The following STRN3 variants were observed in gnomAD, a reference collection of about 807,000 sequenced individuals.
STRN3 encodes the protein striatin-3.
In STRN3, 29 loss-of-function variants were observed where a neutral mutation model predicts 95.6. The ratio of observed to expected loss-of-function variants is 0.30; its 90% CI spans 0.23 to 0.41. STRN3 has a LOEUF of 0.41. Ranked by LOEUF, STRN3 falls within the 10% of genes least tolerant of loss-of-function variation. The pLI, the probability that STRN3 is intolerant of heterozygous loss-of-function variation, is 1.00. For missense variants in STRN3, 890 were observed against 972.1 expected, an observed-to-expected ratio of 0.92 and a Z score of 1.12; for synonymous variants, 331 against 357.6, an observed-to-expected ratio of 0.93 and a Z score of 0.84.
At chr14:30,900,659 G>A (rs1212111724) in intron 16 of STRN3, among the ~76,000 whole-genome samples, 2 of 150,660 alleles carry the variant, frequency 1.3e-5, no homozygotes, top group African/African-American at 4.9e-5. Flanking sequence ...TGAGGCACCA[G>A]AATCAATTGA....
At chr14:30,906,697 C>T (rs1896469979) in intron 14 of STRN3, among the ~76,000 whole-genome samples, 180 bp downstream of exon 14, 1 of 152,038 alleles carries the variant, frequency 6.6e-6, no homozygotes, top group East Asian at 1.9e-4. Context: ...AAGCATTGCA[C>T]TACAGGACAT....
At chr14:30,953,959 C>A (rs553537944) in intron 3 of STRN3, among the ~76,000 whole-genome samples, 1 of 152,174 alleles carries the variant, frequency 6.6e-6, no homozygotes, top group East Asian at 1.9e-4. Flanking sequence ...TAATAATAGT[C>A]ATAGTGTCAA....
intron 1 of STRN3, among the ~76,000 whole-genome samples, chr14:31,009,355 C>T (rs1184624960): frequency 6.6e-6 from 1 of 151,970 alleles, no homozygotes; most frequent in Non-Finnish European, 1.5e-5. Flanking sequence ...CTGTCCCGTG[C>T]GTGTTTAGTA....
chr14:30,927,656 T>C (rs1179981983), intron 8 of STRN3, among the ~76,000 whole-genome samples: 1 of 151,844 alleles, frequency 6.6e-6, no homozygotes, highest in African/African-American at 2.4e-5. Context: ...CCAGGCATAG[T>C]GGCTCACGCC....
intron 1 of STRN3, among the ~76,000 whole-genome samples, chr14:30,989,417 A>G (rs1881843557): frequency 6.6e-6 from 1 of 152,164 alleles, no homozygotes; most frequent in African/African-American, 2.4e-5. Context: ...ATTGGGAGGT[A>G]GCGAGACAGC....
chr14:30,897,846 C>T (rs139272866), intron 16 of STRN3, among the ~76,000 whole-genome samples: 204 of 152,330 alleles, frequency 1.3e-3, no homozygotes, highest in African/African-American at 4.6e-3. Context: ...CTAGAATCCA[C>T]TCCTCTCAAA....
At chr14:30,939,325 T>C (rs1020584598) in intron 5 of STRN3, among the ~76,000 whole-genome samples, 2 of 152,056 alleles carry the variant, frequency 1.3e-5, no homozygotes, top group Admixed American at 1.3e-4. Context: ...TGGAGAATTG[T>C]CTCTAAAAAA....
At chr14:30,968,678 CAAA>C (rs202184920) in intron 1 of STRN3, among the ~76,000 whole-genome samples, 13 of 127,864 alleles carry the variant, frequency 1.0e-4, no homozygotes, top group Non-Finnish European at 1.2e-4. Flanking sequence ...GACTCCATCT[CAAA>C]AAAAAAAAAA....
At chr14:30,943,456 C>A (rs117731455) in intron 5 of STRN3, among the ~76,000 whole-genome samples, 1 of 152,068 alleles carries the variant, frequency 6.6e-6, no homozygotes, top group Non-Finnish European at 1.5e-5. Flanking sequence ...AAGAATCAGC[C>A]AGGTGTGGTG....
chr14:31,005,479 T>C (rs571169170), intron 1 of STRN3, among the ~76,000 whole-genome samples: 3 of 152,256 alleles, frequency 2.0e-5, no homozygotes, highest in African/African-American at 7.2e-5. Flanking sequence ...TTTTTATCTG[T>C]AGCTATCTAC....
chr14:30,999,759 A>G (rs2139285856), intron 1 of STRN3, among the ~76,000 whole-genome samples: 1 of 152,358 alleles, frequency 6.6e-6, no homozygotes, highest in East Asian at 1.9e-4. Context: ...AATTGGAGAA[A>G]TAACAGCCCA....
At position 30,895,077 on chromosome 14, in the gene STRN3, A is replaced by AAAG. The variant is rs1423777692; in HGVS notation, c.*331_*333dup. Reference sequence around the variant, plus strand: ...CCAAAAAAAAAAAAAAAAAAAAAAAAAAGAAGAAGAAGAAGAGAAAAAAAA... The same window carrying AAAG: ...CCAAAAAAAAAAAAAAAAAAAAAAAAAAGAAGAAGAAGAAGAAGAGAAAAAAAA... On this transcript the variant is annotated 3_prime_UTR_variant, in exon 18 of 18. Transcript: ENST00000357479. 2.2e-3 allele frequency: 401 copies of AAAG among 184,262 alleles called. 4 individuals carry two copies. The highest frequency in any genetic ancestry group is 5.2e-3 in the African/African-American group (179 of 34,448). The allele number at this position is 184,262 out of a possible 1,614,324, so 11.4% of individuals were successfully genotyped here.
At chr14:30,929,967 A>AACAAAAAAAAACAAAAAC (rs1555317335) in intron 7 of STRN3, among the ~76,000 whole-genome samples, 3 of 91,122 alleles carry the variant, frequency 3.3e-5, no homozygotes, top group African/African-American at 1.2e-4. Context: ...AAAAAAAAAA[A>AACAAAAAAAAACAAAAAC]AAAAAAAAAA....
chr14:30,964,000 C>T lies in STRN3; in HGVS notation c.283-7758G>A, dbSNP rs149482736. 7.1e-3 allele frequency among the ~76,000 whole-genome samples: 1,086 copies of T among 152,182 alleles called. 4 individuals carry two copies. The highest frequency in any genetic ancestry group is 0.011 in the Non-Finnish European group (753 of 68,008). The stretch of plus-strand genomic sequence containing the variant: ...GGTGCGATGGCTCATGCCTGTAATG[C>T]CAACACTTTGAGAGGCTGAGGCAGG... On this transcript the variant is annotated intron_variant, in intron 1 of 17. Transcript: ENST00000357479.
intron 1 of STRN3, 158 bp downstream of exon 1, chr14:31,025,746 G>C (rs974763901): frequency 2.6e-5 from 27 of 1,027,628 alleles, no homozygotes; most frequent in Non-Finnish European, 3.6e-5. Flanking sequence ...GGGGACTCCA[G>C]GAAAAGCCGT....
chr14:30,999,807 A>ACTT (rs1233388064), intron 1 of STRN3, among the ~76,000 whole-genome samples: 13 of 152,358 alleles, frequency 8.5e-5, no homozygotes, highest in African/African-American at 2.9e-4. Context: ...CACATCCAAG[A>ACTT]GGCTCAACGA....
At chr14:30,902,237 T>C (rs189321749) in intron 16 of STRN3, among the ~76,000 whole-genome samples, 11 of 137,466 alleles carry the variant, frequency 8.0e-5, no homozygotes, top group African/African-American at 2.9e-4. Flanking sequence ...GAAAGAGATC[T>C]ACCTCTTCCA....
At chr14:31,003,695 G>A (rs530567865) in intron 1 of STRN3, among the ~76,000 whole-genome samples, 2 of 148,478 alleles carry the variant, frequency 1.3e-5, no homozygotes, top group South Asian at 2.2e-4. Context: ...CAACAGAATT[G>A]AGTCAAATAA....
intron 1 of STRN3, among the ~76,000 whole-genome samples, chr14:31,004,155 T>C (rs1882607470): frequency 1.3e-5 from 2 of 151,930 alleles, no homozygotes; most frequent in Non-Finnish European, 2.9e-5. Flanking sequence ...TGTGATGGCA[T>C]GCGCCTGTAG....
Sources: allele counts gnomAD v4.1 joint callset (sites outside exome capture counted in the v4.1 genomes callset), GRCh38; gene constraint gnomAD v4.1.1; transcripts MANE v1.5; gene names NCBI Gene and HGNC (gene_info 2026-07-23, HGNC 2026-07-21).